The following SGMS1 variants were observed in gnomAD, a reference collection of about 807,000 sequenced individuals.
The protein encoded by SGMS1 is phosphatidylcholine:ceramide cholinephosphotransferase 1.
Under a neutral mutation model 46.2 loss-of-function variants are expected in SGMS1, and 13 were observed. The observed-to-expected ratio is 0.28, with a 90% CI of 0.18 to 0.45. The LOEUF (loss-of-function observed/expected upper bound fraction) is 0.45, where lower values mean the gene tolerates loss of function less well. Ranked by LOEUF, SGMS1 falls within the 20% of genes least tolerant of loss-of-function variation. SGMS1 has a pLI of 1.00. For synonymous variants in SGMS1, 203 were observed against 187.8 expected (o/e 1.08, Z -0.66); for missense variants, 324 against 519.9 (o/e 0.62, Z 3.66).
intron 6 of SGMS1, among the ~76,000 whole-genome samples, chr10:50,433,106 G>C (rs1212555): frequency 0.7 from 106,876 of 152,040 alleles, 38,871 homozygotes; most frequent in Non-Finnish European, 0.81. Context: ...AAAAAAATAC[G>C]TGAGTGAGAA....
intron 6 of SGMS1, among the ~76,000 whole-genome samples, chr10:50,412,416 G>A (rs1471639923): frequency 6.6e-6 from 1 of 152,180 alleles, no homozygotes. Context: ...CAGACGGATT[G>A]TGAATACTCT....
Position 50,401,523 on chromosome 10 carries a change from G to A in SGMS1, c.-232+31953C>T, listed in dbSNP as rs907277934. The stretch of plus-strand genomic sequence containing the variant: ...AAAGCCTCTGCTTTTCCACCCACAG[G>A]AGAAATCCCTCTAGTTTGATTCTCA... On this transcript the variant is annotated intron_variant, in intron 6 of 10. Transcript: ENST00000361781. 3.1e-4 allele frequency among the ~76,000 whole-genome samples: 47 copies of A among 152,098 alleles called. 1 individual carries two copies. Among genetic ancestry groups the A allele is most frequent in the Non-Finnish European group, 2.9e-4 (20 of 68,022 alleles).
intron 3 of SGMS1, among the ~76,000 whole-genome samples, chr10:50,488,815 A>G (rs1837544707): frequency 6.6e-6 from 1 of 152,186 alleles, no homozygotes; most frequent in Admixed American, 6.5e-5. Flanking sequence ...TACCAGGATA[A>G]TTGAGGTTTT....
At chr10:50,496,185 C>T (rs1837613773) in intron 3 of SGMS1, among the ~76,000 whole-genome samples, 1 of 152,156 alleles carries the variant, frequency 6.6e-6, no homozygotes, top group Non-Finnish European at 1.5e-5. Flanking sequence ...AGGAAAAGGG[C>T]CTACAAAACA....
intron 9 of SGMS1, among the ~76,000 whole-genome samples, chr10:50,308,622 G>A (rs570102657): frequency 6.6e-6 from 1 of 151,998 alleles, no homozygotes; most frequent in African/African-American, 2.4e-5. Context: ...TAATCTGAAA[G>A]TCTTTGAGAT....
At chr10:50,540,328 G>T (rs997057626) in intron 2 of SGMS1, among the ~76,000 whole-genome samples, 1 of 152,072 alleles carries the variant, frequency 6.6e-6, no homozygotes, top group African/African-American at 2.4e-5. Context: ...TGGCTCGTCT[G>T]GCAGGTAAAA....
chr10:50,400,396 CATATAT>C lies in SGMS1; in HGVS notation c.-232+33074_-232+33079del, dbSNP rs10524155. 4.4e-3 allele frequency among the ~76,000 whole-genome samples: 435 copies of C among 98,586 alleles called. 3 individuals carry two copies. The highest frequency in any genetic ancestry group is 5.9e-3 in the Admixed American group (61 of 10,392). 64.7% of individuals were successfully genotyped at this position (98,586 alleles called of 152,430 possible). A position where few individuals can be genotyped will look rare whatever the true frequency, so the allele number is the denominator to read the frequency against. On this transcript the variant is annotated intron_variant, in intron 6 of 10. Coordinates refer to ENST00000361781, the MANE Select transcript of SGMS1 (RefSeq NM_147156.4). ...ACAAGACCTATAGAACACATCCTGG[CATATAT>C]ATATATATATATATATATATATATA...
Position 50,523,810 on chromosome 10 carries a change from T to C in SGMS1, c.-588-3889A>G, listed in dbSNP as rs1837876106. Among the ~76,000 whole-genome samples, 3 of 152,356 alleles carry C rather than the reference T, an allele frequency of 2.0e-5. No individual in the cohort carries two copies. The South Asian group carries it at 6.2e-4, about 32-fold the overall frequency. ...AGAAGAATAATATTTTATCAAATAC[T>C]GTGAGAAAAGATGATTTTGTAATCA... is the stretch of plus-strand genomic sequence containing the variant. On this transcript the variant is annotated intron_variant, in intron 2 of 10. Transcript: ENST00000361781.
In SGMS1 at chr10:50,623,940, C is replaced by G. The variant is rs541676869; in HGVS notation, c.-917G>C. 52 of 986,208 alleles carry G rather than the reference C, an allele frequency of 5.3e-5. No homozygotes were observed. In the African/African-American group the frequency reaches 8.9e-4, roughly 17 times the overall value. 61.1% of individuals were successfully genotyped at this position (986,208 alleles called of 1,614,324 possible). On this transcript the variant is annotated 5_prime_UTR_variant, in exon 1 of 11. Transcript: ENST00000361781. ...GGTGCGAACGCTTTCGACTTGCCAC[C>G]GCGAGCCTCCCGGGCTGCCGAGCAT...
rs77693379 is a variant in SGMS1 at position 50,457,373 on chromosome 10, T to A, written c.-313+3300A>T. Among the ~76,000 whole-genome samples, 1,424 of 152,328 alleles carry A rather than the reference T, an allele frequency of 9.3e-3. 26 individuals are homozygous for A. The highest frequency in any genetic ancestry group is 0.033 in the African/African-American group (1,359 of 41,562). ...CTTTTCAATATTTACCAAATTTTCT[T>A]TTTTTCCTTTTTGTTCTTACTTAAG... is the stretch of plus-strand genomic sequence containing the variant. On this transcript the variant is annotated intron_variant, in intron 5 of 10. Transcript: ENST00000361781.
chr10:50,589,280 G>A (rs976750909), intron 2 of SGMS1, among the ~76,000 whole-genome samples: 3 of 152,108 alleles, frequency 2.0e-5, no homozygotes, highest in Non-Finnish European at 4.4e-5. Context: ...GTGTGAGAGA[G>A]ATAGACTGGG....
intron 6 of SGMS1, among the ~76,000 whole-genome samples, chr10:50,414,183 T>C (rs559519075): frequency 5.9e-5 from 9 of 152,280 alleles, no homozygotes; most frequent in African/African-American, 2.2e-4. Context: ...AAGCATTGCT[T>C]GAGTCCACAA....
intron 6 of SGMS1, among the ~76,000 whole-genome samples, chr10:50,388,686 T>C (rs1385753412): frequency 2.0e-5 from 3 of 152,096 alleles, no homozygotes; most frequent in South Asian, 2.1e-4. Context: ...TGATATGTAC[T>C]GTAGAATAAA....
At position 50,494,029 on chromosome 10, in the gene SGMS1, C is replaced by T. The variant is rs369310530; in HGVS notation, c.-498+25802G>A. Among the ~76,000 whole-genome samples, 206 of 152,350 alleles carry T rather than the reference C, an allele frequency of 1.4e-3. 1 individual carries two copies. Among genetic ancestry groups the T allele is most frequent in the African/African-American group, 4.5e-3 (188 of 41,586 alleles). ...GGCCAGGCTGGTCTCAAACTCCTGG[C>T]CTCGTGATCCACCCGCCTTGGCCTC... On this transcript the variant is annotated intron_variant, in intron 3 of 10. Transcript: ENST00000361781.
chr10:50,605,702 G>A (rs1178579793), intron 1 of SGMS1, among the ~76,000 whole-genome samples: 1 of 152,154 alleles, frequency 6.6e-6, no homozygotes, highest in Non-Finnish European at 1.5e-5. Flanking sequence ...CAGTGATAAG[G>A]CACCCTCTAA....
intron 6 of SGMS1, among the ~76,000 whole-genome samples, chr10:50,344,926 C>T (rs1019090008): frequency 6.6e-6 from 1 of 151,880 alleles, no homozygotes; most frequent in Non-Finnish European, 1.5e-5. Flanking sequence ...AGCAACTTGA[C>T]AGTGCTTTGG....
At chr10:50,438,495 C>G (rs1849502421) in intron 5 of SGMS1, among the ~76,000 whole-genome samples, 1 of 152,216 alleles carries the variant, frequency 6.6e-6, no homozygotes, top group Admixed American at 6.5e-5. Flanking sequence ...CTCCTCCCAT[C>G]CAGCCTCAGG....
chr10:50,602,331 G>A (rs1838656582), intron 1 of SGMS1, among the ~76,000 whole-genome samples: 1 of 152,218 alleles, frequency 6.6e-6, no homozygotes, highest in African/African-American at 2.4e-5. Flanking sequence ...TCCCACAGGA[G>A]CTACTTCTGA....
intron 3 of SGMS1, among the ~76,000 whole-genome samples, chr10:50,516,513 T>C (rs1401365180): frequency 6.6e-6 from 1 of 152,212 alleles, no homozygotes; most frequent in East Asian, 1.9e-4. Flanking sequence ...AAGTACTCTG[T>C]TCTAATGAGT....
Sources: gnomAD v4.1 joint callset for allele counts (sites outside exome capture counted in the v4.1 genomes callset) on GRCh38, gnomAD v4.1.1 for gene constraint, MANE v1.5 for transcripts, NCBI Gene and HGNC (gene_info 2026-07-23, HGNC 2026-07-21) for gene names.